Variants in RIMS1 observed in about 807,000 individuals in gnomAD.
RIMS1 encodes regulating synaptic membrane exocytosis 1, also known as regulating synaptic membrane exocytosis protein 1.
Under a neutral mutation model 214.1 loss-of-function variants are expected in RIMS1, and 83 were observed. That is an observed-to-expected ratio of 0.39 (90% confidence interval 0.32 to 0.47). The LOEUF is 0.47. Among genes scored for constraint, RIMS1 ranks in the 20% least tolerant of loss-of-function variants. RIMS1 has a pLI of 0.99. For synonymous variants in RIMS1, 793 were observed against 786.8 expected (o/e 1.01, Z -0.13); for missense variants, 2,050 against 2,161.8 (o/e 0.95, Z 1.03).
At chr6:72,036,325 G>A (rs769192319) in intron 2 of RIMS1, among the ~76,000 whole-genome samples, 1 of 152,220 alleles carries the variant, frequency 6.6e-6, no homozygotes, top group Admixed American at 6.5e-5. Context: ...CTGGTTTGCA[G>A]TAATGTCGGG....
intron 6 of RIMS1, among the ~76,000 whole-genome samples, chr6:72,185,254 A>G (rs1302360305): frequency 1.3e-5 from 2 of 152,186 alleles, no homozygotes; most frequent in East Asian, 3.8e-4. Context: ...ATAGAATATC[A>G]TGAAAATCTG....
At chr6:72,230,624 T>C (rs1049004402) in intron 6 of RIMS1, among the ~76,000 whole-genome samples, 4 of 151,510 alleles carry the variant, frequency 2.6e-5, no homozygotes, top group Non-Finnish European at 5.9e-5. Flanking sequence ...ATTATAGAGA[T>C]AGAGTTACAT....
chr6:72,142,888 TG>T (rs1457670526), intron 4 of RIMS1, among the ~76,000 whole-genome samples: 1 of 152,132 alleles, frequency 6.6e-6, no homozygotes, highest in Non-Finnish European at 1.5e-5. Context: ...ACCTAGTATA[TG>T]AAGTACATGG....
rs1186266348 is a variant in RIMS1 at position 72,241,172 on chromosome 6, T to TA, written c.1958-1136dup. On this transcript the variant is annotated intron_variant, in intron 9 of 33. Transcript: ENST00000521978. ...GCAAAGCAATTTTCCTACTTTTATTTAAAAAATTCTAGGTATACATTGAAA... is the reference window on the plus strand; with the variant it reads ...GCAAAGCAATTTTCCTACTTTTATTTAAAAAAATTCTAGGTATACATTGAAA... Among the ~76,000 whole-genome samples, 4 of 152,316 alleles carry TA rather than the reference T, an allele frequency of 2.6e-5. No individual in the cohort carries two copies. In the East Asian group the frequency reaches 5.8e-4, roughly 22 times the overall value.
chr6:72,392,624 A>G lies in RIMS1; in HGVS notation c.4506-74A>G, dbSNP rs571848454. 2.4e-5 allele frequency: 23 copies of G among 977,592 alleles called. No homozygotes were observed. The South Asian group carries it at 2.6e-4, about 11-fold the overall frequency. The allele number at this position is 977,592 out of a possible 1,614,324, so 60.6% of individuals were successfully genotyped here. A position where few individuals can be genotyped will look rare whatever the true frequency, so the allele number is the denominator to read the frequency against. On this transcript the variant is annotated intron_variant, in intron 30 of 33. Coordinates refer to ENST00000521978, the MANE Select transcript of RIMS1 (RefSeq NM_014989.7). Reference sequence around the variant, plus strand: ...TATGTTTCATGATCATAATTAGTCAAGTGGAAACTAGTGAAAAGAATTCTA... The same window carrying G: ...TATGTTTCATGATCATAATTAGTCAGGTGGAAACTAGTGAAAAGAATTCTA...
At chr6:72,126,629 C>A in intron 4 of RIMS1, 1 of 222,296 alleles carries the variant, frequency 4.5e-6, no homozygotes, top group South Asian at 5.8e-5. Flanking sequence ...TGTGAATAGA[C>A]AGTTCTCAAA....
At chr6:72,398,768 T>C (rs576356908) in intron 32 of RIMS1, among the ~76,000 whole-genome samples, 187 bp from the exon 33 acceptor site, 10 of 152,078 alleles carry the variant, frequency 6.6e-5, no homozygotes, top group Non-Finnish European at 1.0e-4. Context: ...ATGAGGAAAA[T>C]GGCAGTAATG....
chr6:72,002,508 T>C (rs1805610283), intron 2 of RIMS1, among the ~76,000 whole-genome samples: 3 of 152,032 alleles, frequency 2.0e-5, no homozygotes. Context: ...CAAAGATGCA[T>C]GGGGTAGGAG....
At chr6:72,214,350 T>G (rs910620507) in intron 6 of RIMS1, among the ~76,000 whole-genome samples, 3 of 152,248 alleles carry the variant, frequency 2.0e-5, no homozygotes, top group African/African-American at 7.2e-5. Context: ...GGTAAAAAAT[T>G]GCTTTTCTAA....
At chr6:72,174,761 A>T (rs984069634) in intron 4 of RIMS1, among the ~76,000 whole-genome samples, 5 of 152,172 alleles carry the variant, frequency 3.3e-5, no homozygotes, top group African/African-American at 7.2e-5. Context: ...AGTTATTTTA[A>T]ATTTGCATAG....
chr6:71,944,066 AAATAG>A (rs1417089801), intron 1 of RIMS1, among the ~76,000 whole-genome samples: 2 of 152,206 alleles, frequency 1.3e-5, no homozygotes, highest in Non-Finnish European at 2.9e-5. Context: ...ATAATGCCTA[AAATAG>A]ATGATGCCTG....
rs1247191672 is a variant in RIMS1, at chr6:72,392,727, C to T, written c.4535C>T (p.Ala1512Val). The change falls in exon 31 of 34, where the codon GCT becomes GTT. Residue 1512 changes from alanine to valine, a missense_variant. By Grantham distance (64) the Ala-to-Val change is moderately conservative. Transcript: ENST00000521978. ...ATATTTCCTGGAGTGCGACTGGGAG[C>T]TGACAGTCAATTCAGTGATTTTCTT... ...NLIFPGVRLG[A>V]DSQFSDFLDG... is the part of the protein sequence containing the mutation. The T allele has an allele frequency of 6.2e-7, 1 of 1,613,372 alleles. No homozygotes were observed. The highest frequency in any genetic ancestry group is 8.5e-7 in the Non-Finnish European group (1 of 1,179,532).
intron 25 of RIMS1, 28 bp downstream of exon 25, chr6:72,290,889 T>C: frequency 6.2e-7 from 1 of 1,605,878 alleles, no homozygotes; most frequent in Non-Finnish European, 8.5e-7. Flanking sequence ...CCCTCAGCAT[T>C]CATGTCCTGC....
intron 1 of RIMS1, among the ~76,000 whole-genome samples, chr6:71,942,927 G>A (rs1398072122): frequency 6.6e-6 from 1 of 151,886 alleles, no homozygotes; most frequent in Non-Finnish European, 1.5e-5. Context: ...CTAACCATAA[G>A]TATTTAACGA....
intron 28 of RIMS1, among the ~76,000 whole-genome samples, chr6:72,333,342 G>A (rs949462969): frequency 1.3e-5 from 2 of 151,726 alleles, no homozygotes; most frequent in Admixed American, 6.6e-5. Flanking sequence ...GGCATTTGTT[G>A]CACTTATTTT....
At chr6:72,298,231 A>T (rs947223253) in intron 26 of RIMS1, among the ~76,000 whole-genome samples, 2 of 152,024 alleles carry the variant, frequency 1.3e-5, no homozygotes, top group Non-Finnish European at 2.9e-5. Flanking sequence ...TCAAAGCATT[A>T]CTAATGGTAG....
At chr6:71,943,927 T>G (rs1786988367) in intron 1 of RIMS1, among the ~76,000 whole-genome samples, 1 of 152,204 alleles carries the variant, frequency 6.6e-6, no homozygotes, top group African/African-American at 2.4e-5. Context: ...TATTCTAATA[T>G]TATTCAACAG....
chr6:72,258,978 C>G lies in RIMS1; in HGVS notation c.2928-8C>G. The stretch of plus-strand genomic sequence containing the variant: ...ATTTGACACATAAGAATTTTGTAAT[C>G]ATTTTAGGAGTTTAGATGAAATTCA... On this transcript the variant is annotated splice_region_variant and splice_polypyrimidine_tract_variant and intron_variant, in intron 17 of 33. Transcript: ENST00000521978. 6.2e-7 allele frequency: 1 copy of G among 1,612,114 alleles called. No individual in the cohort carries two copies. The highest frequency in any genetic ancestry group is 8.5e-7 in the Non-Finnish European group (1 of 1,178,572).
intron 2 of RIMS1, among the ~76,000 whole-genome samples, chr6:71,979,411 A>G (rs1394544191): frequency 1.3e-5 from 2 of 152,120 alleles, no homozygotes; most frequent in Non-Finnish European, 2.9e-5. Context: ...CCAGCAGGAC[A>G]GGGGAAGATA....
Sources: gnomAD v4.1 joint callset for allele counts (sites outside exome capture counted in the v4.1 genomes callset) on GRCh38, gnomAD v4.1.1 for gene constraint, MANE v1.5 for transcripts, NCBI Gene and HGNC (gene_info 2026-07-23, HGNC 2026-07-21) for gene names.